Variants in ABCC4 observed in about 807,000 individuals in gnomAD.
ABCC4 encodes the protein ATP-binding cassette sub-family C member 4.
Under a neutral mutation model 168.5 loss-of-function variants are expected in ABCC4, and 102 were observed. That is an observed-to-expected ratio of 0.61 (90% CI 0.52 to 0.71). ABCC4 has a LOEUF of 0.71. Ranked by LOEUF, ABCC4 falls within the 30% of genes least tolerant of loss-of-function variation. The probability of loss-of-function intolerance (pLI) is 0.00; values close to 1 mark genes in which losing one functional copy is unlikely to be tolerated. For synonymous variants in ABCC4, 617 were observed against 590.7 expected (o/e 1.04, Z -0.65); for missense variants, 1,402 against 1,605.8 (o/e 0.87, Z 2.17).
At chr13:95,123,957 G>A (rs1190898574) in intron 19 of ABCC4, among the ~76,000 whole-genome samples, 1 of 152,176 alleles carries the variant, frequency 6.6e-6, no homozygotes, top group East Asian at 1.9e-4. Context: ...TCAGGTGGAA[G>A]GAATGACATC....
intron 25 of ABCC4, among the ~76,000 whole-genome samples, chr13:95,065,180 A>T (rs894366792): frequency 2.6e-5 from 4 of 152,182 alleles, no homozygotes; most frequent in African/African-American, 7.2e-5. Context: ...AGGTTTTCTC[A>T]ACTCCAAGCA....
intron 24 of ABCC4, 68 bp from the exon 25 acceptor site, chr13:95,071,921 T>A (rs1354164441): frequency 9.4e-6 from 11 of 1,170,690 alleles, no homozygotes; most frequent in Non-Finnish European, 1.3e-5. Context: ...TAAGAGACTG[T>A]CAATGAAATG....
At chr13:95,299,431 A>G (rs2041617860) in intron 1 of ABCC4, among the ~76,000 whole-genome samples, 1 of 152,080 alleles carries the variant, frequency 6.6e-6, no homozygotes, top group South Asian at 2.1e-4. Flanking sequence ...TCCTACACCC[A>G]CTGAGTGTAC....
At chr13:95,087,080 T>C (rs1468869833) in intron 20 of ABCC4, among the ~76,000 whole-genome samples, 1 of 151,458 alleles carries the variant, frequency 6.6e-6, no homozygotes, top group African/African-American at 2.4e-5. Flanking sequence ...TGAGAGACTA[T>C]GGCAAGATTT....
chr13:95,041,650 G>A (rs894648235), intron 29 of ABCC4, among the ~76,000 whole-genome samples: 1 of 152,014 alleles, frequency 6.6e-6, no homozygotes, highest in Non-Finnish European at 1.5e-5. Context: ...TGTGTTTTCT[G>A]GAACGGTATC....
In ABCC4 at chr13:95,126,313, G is replaced by A. The variant is rs1017962082; in HGVS notation, c.2456-10312C>T. Among the ~76,000 whole-genome samples the A allele has an allele frequency of 3.9e-5, 6 of 152,110 alleles. No homozygotes were observed. In the East Asian group the frequency reaches 1.2e-3, roughly 29 times the overall value. On this transcript the variant is annotated intron_variant, in intron 19 of 30. Transcript: ENST00000645237. ...ACAAGAATGTGTTCCCACAGAGATG[G>A]TGGCAGCAACGCATATTTATACAGC... is the stretch of plus-strand genomic sequence containing the variant.
Position 95,071,860 on chromosome 13 carries a change from G to C in ABCC4, c.3019-7C>G, listed in dbSNP as rs2139307999. The C allele has an allele frequency of 6.6e-7, 1 of 1,514,974 alleles. No individual in the cohort carries two copies. The allele number at this position is 1,514,974 out of a possible 1,614,324, so 93.8% of individuals were successfully genotyped here. A position where few individuals can be genotyped will look rare whatever the true frequency, so the allele number is the denominator to read the frequency against. ...CCCTTTCTACTGAGATCATCTGAAA[G>C]AAATATGACATCCCGAGGGGTTAGG... On this transcript the variant is annotated splice_region_variant and splice_polypyrimidine_tract_variant and intron_variant, in intron 24 of 30. Coordinates refer to ENST00000645237, the MANE Select transcript of ABCC4 (RefSeq NM_005845.5).
At position 95,256,440 on chromosome 13, in the gene ABCC4, A is replaced by T. The variant is rs147801782; in HGVS notation, c.75-8687T>A. On this transcript the variant is annotated intron_variant, in intron 1 of 30. Transcript: ENST00000645237. ...AAGATCCTTCTGAGCCCATCAGTGT[A>T]TGATGTTGACTATCCTCTGAAAATC... Among the ~76,000 whole-genome samples the T allele has an allele frequency of 6.8e-4, 104 of 152,324 alleles. 1 individual carries two copies. Among genetic ancestry groups the T allele is most frequent in the African/African-American group, 2.5e-3 (102 of 41,570 alleles).
chr13:95,177,697 A>T lies in ABCC4; in HGVS notation c.1727+10T>A, dbSNP rs778108910. The T allele has an allele frequency of 6.2e-7, 1 of 1,601,540 alleles. No homozygotes were observed. Among genetic ancestry groups the T allele is most frequent in the South Asian group, 1.1e-5 (1 of 89,852 alleles). On this transcript the variant is annotated intron_variant, in intron 13 of 30. Coordinates refer to ENST00000645237, the MANE Select transcript of ABCC4 (RefSeq NM_005845.5). The stretch of plus-strand genomic sequence containing the variant: ...AAAGCAGAAATGACTTAAGACACAA[A>T]CACACTCACAGTTCGAACAAGTGTC...
At chr13:95,290,902 C>T (rs1271893976) in intron 1 of ABCC4, among the ~76,000 whole-genome samples, 4 of 145,942 alleles carry the variant, frequency 2.7e-5, no homozygotes, top group East Asian at 2.1e-4. Flanking sequence ...GAGGCTGAGA[C>T]AGGAGAACCG....
At chr13:95,270,376 G>A (rs1189331043) in intron 1 of ABCC4, among the ~76,000 whole-genome samples, 1 of 134,248 alleles carries the variant, frequency 7.4e-6, no homozygotes. Flanking sequence ...AGAAAAATAG[G>A]AAAGGAATAA....
intron 3 of ABCC4, among the ~76,000 whole-genome samples, chr13:95,235,496 G>A (rs1346999042): frequency 6.6e-6 from 1 of 152,180 alleles, no homozygotes; most frequent in African/African-American, 2.4e-5. Flanking sequence ...AGACACCCCA[G>A]CTCTCACCCC....
At chr13:95,239,919 A>T (rs1224171306) in intron 3 of ABCC4, among the ~76,000 whole-genome samples, 1 of 152,208 alleles carries the variant, frequency 6.6e-6, no homozygotes, top group East Asian at 1.9e-4. Context: ...GCAAACTCCT[A>T]ACAAATTAAT....
intron 1 of ABCC4, among the ~76,000 whole-genome samples, chr13:95,269,137 T>C (rs1478929275): frequency 6.6e-6 from 1 of 152,206 alleles, no homozygotes; most frequent in Non-Finnish European, 1.5e-5. Context: ...TGTAGCACTT[T>C]CCTGAGTTCT....
At chr13:95,054,297 G>T (rs1228001278) in intron 26 of ABCC4, among the ~76,000 whole-genome samples, 2 of 151,896 alleles carry the variant, frequency 1.3e-5, no homozygotes, top group African/African-American at 4.8e-5. Context: ...GCTTCAGGAG[G>T]ATCCCACAAT....
At chr13:95,282,935 C>G (rs2041163571) in intron 1 of ABCC4, among the ~76,000 whole-genome samples, 1 of 151,998 alleles carries the variant, frequency 6.6e-6, no homozygotes, top group South Asian at 2.1e-4. Context: ...TGTTTAAAAA[C>G]TGGCCAGGCA....
intron 14 of ABCC4, among the ~76,000 whole-genome samples, chr13:95,166,673 A>G (rs1445938846): frequency 6.6e-6 from 1 of 152,250 alleles, no homozygotes; most frequent in Non-Finnish European, 1.5e-5. Context: ...GAAAACTGTG[A>G]TAAACCTTAT....
At chr13:95,103,302 G>A (rs1252947100) in intron 20 of ABCC4, among the ~76,000 whole-genome samples, 1 of 152,098 alleles carries the variant, frequency 6.6e-6, no homozygotes, top group Non-Finnish European at 1.5e-5. Context: ...AAAACCTGAA[G>A]CTTTTCCTAG....
At chr13:95,275,287 G>A (rs974663119) in intron 1 of ABCC4, among the ~76,000 whole-genome samples, 6 of 152,166 alleles carry the variant, frequency 3.9e-5, no homozygotes, top group African/African-American at 1.4e-4. Context: ...GAAAGTGGTG[G>A]AGCCTTGCTT....
Sources: allele counts gnomAD v4.1 joint callset (sites outside exome capture counted in the v4.1 genomes callset), GRCh38; gene constraint gnomAD v4.1.1; transcripts MANE v1.5; gene names NCBI Gene and HGNC (gene_info 2026-07-23, HGNC 2026-07-21).